KCNMB2: variants seen among roughly 807,000 people sequenced by gnomAD.
KCNMB2 encodes potassium calcium-activated channel subfamily M regulatory beta subunit 2.
A neutral mutation model predicts 24.5 loss-of-function variants in KCNMB2; 9 were observed. The ratio of observed to expected loss-of-function variants is 0.37; its 90% CI spans 0.22 to 0.64. KCNMB2 has a LOEUF of 0.64. KCNMB2 is among the 30% of genes least tolerant of loss of function. The probability of loss-of-function intolerance (pLI) is 0.63; values close to 1 mark genes in which losing one functional copy is unlikely to be tolerated. For missense variants in KCNMB2, 226 were observed against 284.3 expected, an observed-to-expected ratio of 0.79 and a Z score of 1.47; for synonymous variants, 109 against 104.4, an observed-to-expected ratio of 1.04 and a Z score of -0.27.
At chr3:178,714,673 G>A (rs1172888106) in intron 1 of KCNMB2, among the ~76,000 whole-genome samples, 1 of 152,216 alleles carries the variant, frequency 6.6e-6, no homozygotes, top group African/African-American at 2.4e-5. Context: ...TCAAATGAAA[G>A]CACTTGAACT....
At chr3:178,567,901 G>C (rs1242061794) in intron 1 of KCNMB2, among the ~76,000 whole-genome samples, 2 of 152,086 alleles carry the variant, frequency 1.3e-5, no homozygotes, top group African/African-American at 4.8e-5. Context: ...CTTAAATAAA[G>C]ATTCCATCTC....
At chr3:178,568,810 G>GAATGTGTAGAGA (rs1716637686) in intron 1 of KCNMB2, among the ~76,000 whole-genome samples, 1 of 48,168 alleles carries the variant, frequency 2.1e-5, no homozygotes, top group Non-Finnish European at 4.3e-5. Flanking sequence ...TAGATAGATA[G>GAATGTGTAGAGA]ATAGATAATA....
intron 1 of KCNMB2, among the ~76,000 whole-genome samples, chr3:178,761,491 G>A (rs1049023607): frequency 3.3e-5 from 5 of 152,224 alleles, no homozygotes; most frequent in South Asian, 2.1e-4. Flanking sequence ...GTTTAGAGTT[G>A]GCAAAACAAA....
At chr3:178,611,072 A>T (rs1718464581) in intron 1 of KCNMB2, among the ~76,000 whole-genome samples, 1 of 152,108 alleles carries the variant, frequency 6.6e-6, no homozygotes, top group Admixed American at 6.5e-5. Flanking sequence ...TTCTTCATTC[A>T]ATATTTGGTA....
intron 1 of KCNMB2, among the ~76,000 whole-genome samples, chr3:178,756,186 AG>A (rs2108394397): frequency 6.6e-6 from 1 of 152,188 alleles, no homozygotes; most frequent in East Asian, 1.9e-4. Flanking sequence ...TACATATTAA[AG>A]GGTATATATA....
At chr3:178,817,182 T>C (rs1714434790) in intron 2 of KCNMB2, among the ~76,000 whole-genome samples, 1 of 144,520 alleles carries the variant, frequency 6.9e-6, no homozygotes, top group African/African-American at 2.6e-5. Flanking sequence ...AATAATAACA[T>C]TAAGCTCATG....
intron 1 of KCNMB2, among the ~76,000 whole-genome samples, chr3:178,667,124 G>T (rs1720746856): frequency 6.6e-6 from 1 of 151,812 alleles, no homozygotes; most frequent in Admixed American, 6.6e-5. Flanking sequence ...GACATGGGGG[G>T]TCAAGTGTAC....
chr3:178,829,067 ATT>A (rs1714954209), intron 4 of KCNMB2, among the ~76,000 whole-genome samples: 1 of 152,050 alleles, frequency 6.6e-6, no homozygotes, highest in Admixed American at 6.6e-5. Flanking sequence ...TGTGTATTTT[ATT>A]AAAGCTTTAC....
chr3:178,674,512 T>C (rs1293199748), intron 1 of KCNMB2, among the ~76,000 whole-genome samples: 2 of 152,214 alleles, frequency 1.3e-5, no homozygotes, highest in African/African-American at 2.4e-5. Context: ...GTACATTTGA[T>C]AGACTTTACC....
intron 2 of KCNMB2, among the ~76,000 whole-genome samples, chr3:178,814,791 G>A (rs905354051): frequency 6.6e-5 from 10 of 152,122 alleles, no homozygotes; most frequent in East Asian, 3.9e-4. Flanking sequence ...GTCTGTTCAC[G>A]TCCTTTGTCC....
intron 1 of KCNMB2, among the ~76,000 whole-genome samples, chr3:178,681,153 T>A (rs1204141997): frequency 6.6e-6 from 1 of 152,010 alleles, no homozygotes; most frequent in Non-Finnish European, 1.5e-5. Flanking sequence ...ACTCTGGGAG[T>A]CAGAGGCCAG....
chr3:178,622,292 T>C (rs1286124502), intron 1 of KCNMB2, among the ~76,000 whole-genome samples: 2 of 152,160 alleles, frequency 1.3e-5, no homozygotes, highest in Non-Finnish European at 2.9e-5. Context: ...AATATTTGAA[T>C]TAATGAATGG....
chr3:178,736,207 A>C (rs1723312030), intron 1 of KCNMB2, among the ~76,000 whole-genome samples: 1 of 152,196 alleles, frequency 6.6e-6, no homozygotes, highest in Non-Finnish European at 1.5e-5. Flanking sequence ...GCAATAAGAA[A>C]ACTTTCAATT....
At chr3:178,677,977 T>C (rs1422166903) in intron 1 of KCNMB2, among the ~76,000 whole-genome samples, 1 of 152,186 alleles carries the variant, frequency 6.6e-6, no homozygotes, top group African/African-American at 2.4e-5. Flanking sequence ...AATTAGCCTG[T>C]ATAGGTCAAA....
intron 1 of KCNMB2, among the ~76,000 whole-genome samples, chr3:178,704,651 T>C (rs1722218966): frequency 6.6e-6 from 1 of 152,168 alleles, no homozygotes. Context: ...AAAGATACCT[T>C]GTTGGAAGGG....
chr3:178,682,499 C>A lies in KCNMB2; in HGVS notation c.-67-124844C>A, dbSNP rs554053887. Among the ~76,000 whole-genome samples, 9 of 152,262 alleles carry A rather than the reference C, an allele frequency of 5.9e-5. No individual in the cohort carries two copies. The East Asian group carries it at 1.7e-3, about 29-fold the overall frequency. ...ATTCCTTTCAAGTTCTAAGTCAACA[C>A]TGTCCAATAGAAATTTGATGCATGC... On this transcript the variant is annotated intron_variant, in intron 1 of 4. Coordinates refer to ENST00000452583, the MANE Select transcript of KCNMB2 (RefSeq NM_181361.3).
chr3:178,797,868 T>G (rs1247405571), intron 1 of KCNMB2, among the ~76,000 whole-genome samples: 1 of 152,210 alleles, frequency 6.6e-6, no homozygotes, highest in African/African-American at 2.4e-5. Context: ...CTTAGCTGTA[T>G]TCCTAGGTAT....
rs78751702 is a variant in KCNMB2, at chr3:178,729,094, C to T, written c.-67-78249C>T. On this transcript the variant is annotated intron_variant, in intron 1 of 4. Transcript: ENST00000452583. ...TACCAGGTTAGAAAATCTTCACAAA[C>T]ACTGCAAAAAAAGAAAAAAGAAAAA... 2.7e-3 allele frequency among the ~76,000 whole-genome samples: 411 copies of T among 151,996 alleles called. 4 individuals are homozygous for T. Among genetic ancestry groups the T allele is most frequent in the African/African-American group, 9.6e-3 (396 of 41,444 alleles).
At chr3:178,552,244 C>T (rs1715980632) in intron 1 of KCNMB2, among the ~76,000 whole-genome samples, 1 of 152,204 alleles carries the variant, frequency 6.6e-6, no homozygotes, top group African/African-American at 2.4e-5. Flanking sequence ...CCACCACAAA[C>T]TCCCACACTG....
Sources: gnomAD v4.1 joint callset for allele counts (sites outside exome capture counted in the v4.1 genomes callset) on GRCh38, gnomAD v4.1.1 for gene constraint, MANE v1.5 for transcripts, NCBI Gene and HGNC (gene_info 2026-07-23, HGNC 2026-07-21) for gene names.